PNPLA7: variants seen among roughly 807,000 people sequenced by gnomAD.
The protein encoded by PNPLA7 is patatin-like phospholipase domain-containing protein 7.
PNPLA7 carries 153 observed loss-of-function variants against 161.7 expected under a neutral mutation model. That is an observed-to-expected ratio of 0.95 (90% CI 0.83 to 1.08). The LOEUF (loss-of-function observed/expected upper bound fraction) is 1.08, where lower values mean the gene tolerates loss of function less well. Among genes scored for constraint, PNPLA7 ranks in the 50% least tolerant of loss-of-function variants. PNPLA7 has a pLI of 0.00. For missense variants in PNPLA7, 1,739 were observed against 1,856.6 expected (o/e 0.94, Z 1.16); for synonymous variants, 809 against 782.1 (o/e 1.03, Z -0.57).
chr9:137,463,894 T>A (rs576504794), intron 28 of PNPLA7, among the ~76,000 whole-genome samples: 42 of 152,240 alleles, frequency 2.8e-4, no homozygotes, highest in African/African-American at 9.9e-4. Flanking sequence ...TAGCCCAACA[T>A]TGCTGATTCT....
rs1836425670 is a variant in PNPLA7 at position 137,545,113 on chromosome 9, G to A, written c.274-1298C>T. The stretch of plus-strand genomic sequence containing the variant: ...GAGTGCAGGGAGGCGGCCAGGGGAG[G>A]CCTCCGACAGCCCAATTGGCCAAAG... On this transcript the variant is annotated intron_variant, in intron 4 of 34. Coordinates refer to ENST00000406427, the MANE Select transcript of PNPLA7 (RefSeq NM_001098537.3). Among the ~76,000 whole-genome samples the A allele has an allele frequency of 2.0e-5, 3 of 152,134 alleles. No individual in the cohort carries two copies. In the South Asian group the frequency reaches 6.2e-4, roughly 32 times the overall value.
chr9:137,460,537 G>A, intron 34 of PNPLA7, 61 bp from the exon 35 acceptor site: 1 of 1,601,280 alleles, frequency 6.2e-7, no homozygotes, highest in Non-Finnish European at 8.5e-7. Context: ...TGCAGCGCTG[G>A]TAACCCGGTG....
chr9:137,502,302 A>G (rs1272865069), intron 14 of PNPLA7, among the ~76,000 whole-genome samples: 1 of 152,056 alleles, frequency 6.6e-6, no homozygotes, highest in Non-Finnish European at 1.5e-5. Context: ...CAGGTGTGTA[A>G]ACCCCCAGTC....
intron 8 of PNPLA7, among the ~76,000 whole-genome samples, chr9:137,536,023 G>A (rs552877076): frequency 6.6e-6 from 1 of 151,572 alleles, no homozygotes; most frequent in Non-Finnish European, 1.5e-5. Flanking sequence ...CGTGGCAGTG[G>A]GCGCCTGTAG....
intron 20 of PNPLA7, among the ~76,000 whole-genome samples, chr9:137,487,130 A>G (rs1433814583): frequency 3.9e-5 from 6 of 152,236 alleles, no homozygotes; most frequent in African/African-American, 1.2e-4. Context: ...GGTTGGCCCC[A>G]GCAGGTAAGC....
chr9:137,486,593 C>A lies in PNPLA7; in HGVS notation c.2198-1857G>T, dbSNP rs1378148887. ...GTCCAAGACTCACACAGCCCCAGATCCTCCCTCGGACTCGGCCCCCACCTC... is the reference window on the plus strand; with the variant it reads ...GTCCAAGACTCACACAGCCCCAGATACTCCCTCGGACTCGGCCCCCACCTC... On this transcript the variant is annotated intron_variant, in intron 20 of 34. Coordinates refer to ENST00000406427, the MANE Select transcript of PNPLA7 (RefSeq NM_001098537.3). The surrounding 1 kb of genome is among the most constrained non-coding windows in gnomAD (Gnocchi z 6.0). 6.6e-6 allele frequency among the ~76,000 whole-genome samples: 1 copy of A among 152,142 alleles called. No individual in the cohort carries two copies. The highest frequency in any genetic ancestry group is 1.5e-5 in the Non-Finnish European group (1 of 68,022).
At chr9:137,465,085 G>T in intron 26 of PNPLA7, among the ~76,000 whole-genome samples, 1 of 152,198 alleles carries the variant, frequency 6.6e-6, no homozygotes, top group Non-Finnish European at 1.5e-5. Context: ...GGTCTTCCCT[G>T]CCATAGTGAG....
chr9:137,495,835 G>A (rs1466323442), intron 18 of PNPLA7, among the ~76,000 whole-genome samples: 1 of 152,258 alleles, frequency 6.6e-6, no homozygotes, highest in Non-Finnish European at 1.5e-5. Flanking sequence ...GGCCTGGAGT[G>A]TGAGCCTTCA....
rs889783665 is a variant in PNPLA7 at position 137,461,310 on chromosome 9, T to C, written c.3841+226A>G. ...AGGTGTGGCTGGGAGTTGAGGTGAATGAAGGGCAGGGGCTGGGTGACCCGG... is the reference window on the plus strand; with the variant it reads ...AGGTGTGGCTGGGAGTTGAGGTGAACGAAGGGCAGGGGCTGGGTGACCCGG... On this transcript the variant is annotated intron_variant, in intron 33 of 34. Transcript: ENST00000406427. The C allele has an allele frequency of 1.0e-5, 5 of 490,432 alleles. No individual in the cohort carries two copies. The Admixed American group carries it at 1.7e-4, about 17-fold the overall frequency. The allele number at this position is 490,432 out of a possible 1,614,324, so 30.4% of individuals were successfully genotyped here. A position where few individuals can be genotyped will look rare whatever the true frequency, so the allele number is the denominator to read the frequency against.
intron 20 of PNPLA7, among the ~76,000 whole-genome samples, chr9:137,487,649 A>C (rs1269303681): frequency 6.6e-6 from 1 of 152,222 alleles, no homozygotes; most frequent in Non-Finnish European, 1.5e-5. Context: ...GACAGACAAG[A>C]AAAATGAAGC....
intron 8 of PNPLA7, among the ~76,000 whole-genome samples, chr9:137,533,001 C>T (rs1362822171): frequency 6.6e-6 from 1 of 151,138 alleles, no homozygotes; most frequent in East Asian, 2.0e-4. Context: ...CCCCCAGACT[C>T]CTCCCCAAGT....
At chr9:137,549,729 G>C (rs1196814984) in intron 1 of PNPLA7, among the ~76,000 whole-genome samples, 2 of 152,016 alleles carry the variant, frequency 1.3e-5, no homozygotes, top group Non-Finnish European at 2.9e-5. Context: ...AGGTTGCTGT[G>C]AGCCAAGATC....
chr9:137,541,086 A>G lies in PNPLA7; in HGVS notation c.667-364T>C, dbSNP rs1836177535. ...CCAGCCTAAATTCCAGAACTTTGATATAATTTTCCATTAGGTAAAAAAAGA... is the reference window on the plus strand; with the variant it reads ...CCAGCCTAAATTCCAGAACTTTGATGTAATTTTCCATTAGGTAAAAAAAGA... On this transcript the variant is annotated intron_variant, in intron 7 of 34. Coordinates refer to ENST00000406427, the MANE Select transcript of PNPLA7 (RefSeq NM_001098537.3). This position sits in a 1 kb window ranked among gnomAD's most constrained non-coding sequence, Gnocchi z 4.4. Among the ~76,000 whole-genome samples the G allele has an allele frequency of 6.6e-6, 1 of 152,206 alleles. No homozygotes were observed. Among genetic ancestry groups the G allele is most frequent in the South Asian group, 2.1e-4 (1 of 4,834 alleles).
Position 137,464,475 on chromosome 9 carries a change from T to C in PNPLA7, c.3040-19A>G. On this transcript the variant is annotated intron_variant, in intron 26 of 34. Transcript: ENST00000406427. Reference sequence around the variant, plus strand: ...TCATGCCCTGGGGCCACATGTGGAATTTACAGAAGGCTTCCACCCTCCCTG... The same window carrying C: ...TCATGCCCTGGGGCCACATGTGGAACTTACAGAAGGCTTCCACCCTCCCTG... The C allele has an allele frequency of 6.2e-7, 1 of 1,605,572 alleles. No homozygotes were observed. Among genetic ancestry groups the C allele is most frequent in the Non-Finnish European group, 8.5e-7 (1 of 1,172,790 alleles).
At chr9:137,479,501 A>T in intron 23 of PNPLA7, 1 of 1,195,026 alleles carries the variant, frequency 8.4e-7, no homozygotes, top group Non-Finnish European at 1.0e-6. Flanking sequence ...ACACTGCCTC[A>T]TAAACACACA....
chr9:137,479,017 A>G (rs1832074152), intron 24 of PNPLA7, 39 bp downstream of exon 24: 1 of 1,511,130 alleles, frequency 6.6e-7, no homozygotes, highest in East Asian at 2.4e-5. Context: ...GAAATGAACC[A>G]CGGAGCCACG....
chr9:137,550,110 G>A (rs1017899803), intron 1 of PNPLA7, 58 bp downstream of exon 1: 1 of 1,605,232 alleles, frequency 6.2e-7, no homozygotes, highest in African/African-American at 1.3e-5. Context: ...CCCTTCTCTG[G>A]GTCCAGAAAT....
chr9:137,496,095 C>A (rs962531622), intron 18 of PNPLA7, among the ~76,000 whole-genome samples: 1 of 152,002 alleles, frequency 6.6e-6, no homozygotes, highest in Non-Finnish European at 1.5e-5. Flanking sequence ...ACCTAGGCCT[C>A]CCCACACACT....
rs1040554324 is a variant in PNPLA7 at position 137,520,714 on chromosome 9, G to A, written c.958-671C>T. ...ACGAGAGCTCGGCTAGGTGGGGACC[G>A]TCCCACGTCCCGGCCAAGTGCCTCC... On this transcript the variant is annotated intron_variant, in intron 10 of 34. Transcript: ENST00000406427. The surrounding 1 kb of genome is among the most constrained non-coding windows in gnomAD (Gnocchi z 5.2). Among the ~76,000 whole-genome samples, 8 of 152,220 alleles carry A rather than the reference G, an allele frequency of 5.3e-5. No homozygotes were observed. The highest frequency in any genetic ancestry group is 2.1e-4 in the South Asian group (1 of 4,834).
Sources: gnomAD v4.1 joint callset for allele counts (sites outside exome capture counted in the v4.1 genomes callset) on GRCh38, gnomAD v4.1.1 for gene constraint, Gnocchi (gnomAD v3.1) non-coding constraint, MANE v1.5 for transcripts, NCBI Gene and HGNC (gene_info 2026-07-23, HGNC 2026-07-21) for gene names.